Variants in EPHA2 observed in about 807,000 individuals in gnomAD.
The protein encoded by EPHA2 is ephrin type-A receptor 2.
In EPHA2, 54 loss-of-function variants were observed where a neutral mutation model predicts 104.9. The ratio of observed to expected loss-of-function variants is 0.51; its 90% confidence interval spans 0.41 to 0.65. The LOEUF is 0.65. EPHA2 is among the 30% of genes least tolerant of loss of function. The pLI, the probability that EPHA2 is intolerant of heterozygous loss-of-function variation, is 0.00. For synonymous variants in EPHA2, 560 were observed against 559.1 expected, an observed-to-expected ratio of 1.00 and a Z score of -0.02; for missense variants, 1,117 against 1,369.5, an observed-to-expected ratio of 0.82 and a Z score of 2.91.
chr1:16,135,164 C>T lies in EPHA2; in HGVS notation c.1454G>A (p.Arg485His), dbSNP rs765078166. 5.0e-6 allele frequency: 8 copies of T among 1,613,830 alleles called. No homozygotes were observed. In the African/African-American group the frequency reaches 6.7e-5, roughly 13 times the overall value. The change falls in exon 7 of 17, where the codon CGC (arginine) becomes CAC (histidine). Residue 485 changes from arginine to histidine, a missense_variant. By Grantham distance (29) the Arg-to-His change is conservative (BLOSUM62 0). Coordinates refer to ENST00000358432, the MANE Select transcript of EPHA2 (RefSeq NM_004431.5). The surrounding 1 kb of genome is among the most constrained non-coding windows in gnomAD (Gnocchi z 4.3). ...GGTCACGGAGAAACCCTCGGTGCGG[C>T]GCACATTGTAGCTGTTGGAGTCTCC... The part of the protein sequence containing the change: ...KKGDSNSYNV[R>H]RTEGFSVTLD...
chr1:16,125,278 C>T lies in EPHA2; in HGVS notation c.2868G>A (p.Lys956=), dbSNP rs757935059. ...GTCCCAGCAGGCTGTAGGCGATGCGCTTCTGGTGGCCGGGCAGCCGCACCC... is the reference window on the plus strand; with the variant it reads ...GTCCCAGCAGGCTGTAGGCGATGCGTTTCTGGTGGCCGGGCAGCCGCACCC... The part of the protein sequence containing the change: ...RIGVRLPGHQ[K]RIAYSLLGLK... Residue 956 remains lysine, a synonymous_variant, in exon 17 of 17, where the codon AAG becomes AAA. Coordinates refer to ENST00000358432, the MANE Select transcript of EPHA2 (RefSeq NM_004431.5). The surrounding 1 kb of genome is among the most constrained non-coding windows in gnomAD (Gnocchi z 4.9). 1 of 1,609,736 alleles carries T rather than the reference C, an allele frequency of 6.2e-7. No individual in the cohort carries two copies. The highest frequency in any genetic ancestry group is 1.3e-5 in the African/African-American group (1 of 74,600).
chr1:16,130,156 C>T lies in EPHA2; in HGVS notation c.2669+70G>A. 1 of 1,605,852 alleles carries T rather than the reference C, an allele frequency of 6.2e-7. No individual in the cohort carries two copies. Among genetic ancestry groups the T allele is most frequent in the Non-Finnish European group, 8.5e-7 (1 of 1,173,314 alleles). ...TACCAGCTTCACCTGGGTGGCCACTCTACCGAAGTGGTTCAAGAGTCTGCA... is the reference window on the plus strand; with the variant it reads ...TACCAGCTTCACCTGGGTGGCCACTTTACCGAAGTGGTTCAAGAGTCTGCA... On this transcript the variant is annotated intron_variant, in intron 15 of 16. Transcript: ENST00000358432. This position sits in a 1 kb window ranked among gnomAD's most constrained non-coding sequence, Gnocchi z 4.5.
At position 16,125,930 on chromosome 1, in the gene EPHA2, G is replaced by A. The variant is rs1038723936; in HGVS notation, c.2826-610C>T. 1.3e-5 allele frequency among the ~76,000 whole-genome samples: 2 copies of A among 152,186 alleles called. No individual in the cohort carries two copies. Among genetic ancestry groups the A allele is most frequent in the Non-Finnish European group, 2.9e-5 (2 of 68,036 alleles). On this transcript the variant is annotated intron_variant, in intron 16 of 16. Coordinates refer to ENST00000358432, the MANE Select transcript of EPHA2 (RefSeq NM_004431.5). This position sits in a 1 kb window ranked among gnomAD's most constrained non-coding sequence, Gnocchi z 4.9. ...GTTCCCACTGCTGATCATGAAGGAA[G>A]GACTTGGGAAATACTTGAAGGGTTA... is the stretch of plus-strand genomic sequence containing the variant.
chr1:16,144,956 C>A (rs2024899898), intron 3 of EPHA2, among the ~76,000 whole-genome samples: 1 of 152,224 alleles, frequency 6.6e-6, no homozygotes, highest in Non-Finnish European at 1.5e-5. Context: ...AATGCGGTGT[C>A]CCTATGAACT....
chr1:16,150,784 AG>A lies in EPHA2; in HGVS notation c.153+111del. 2.5e-6 allele frequency: 3 copies of A among 1,203,170 alleles called. No homozygotes were observed. The highest frequency in any genetic ancestry group is 3.7e-6 in the Non-Finnish European group (3 of 817,740). 74.5% of individuals were successfully genotyped at this position (1,203,170 alleles called of 1,614,324 possible). A position where few individuals can be genotyped will look rare whatever the true frequency, so the allele number is the denominator to read the frequency against. On this transcript the variant is annotated intron_variant, in intron 2 of 16. Transcript: ENST00000358432. This position sits in a 1 kb window ranked among gnomAD's most constrained non-coding sequence, Gnocchi z 4.8. ...GGACCCTGAGCCTGAGACCTGGCTG[AG>A]CTGCTGAATTGAAGCCAGGCCCCAC...
In EPHA2 at chr1:16,128,012, G is replaced by A. The variant is rs990661332; in HGVS notation, c.2825+1422C>T. Among the ~76,000 whole-genome samples the A allele has an allele frequency of 3.3e-5, 5 of 151,792 alleles. No homozygotes were observed. Among genetic ancestry groups the A allele is most frequent in the African/African-American group, 1.2e-4 (5 of 41,308 alleles). On this transcript the variant is annotated intron_variant, in intron 16 of 16. Coordinates refer to ENST00000358432, the MANE Select transcript of EPHA2 (RefSeq NM_004431.5). This position sits in a 1 kb window ranked among gnomAD's most constrained non-coding sequence, Gnocchi z 4.7. ...GTCCTTGGTGGGAGCCCCTGGAGGA[G>A]CAAAGGGTCTGGTGGATGTTCCCAG...
In EPHA2 at chr1:16,133,192, C is replaced by A; in HGVS notation, c.2041G>T (p.Val681Phe). 1 of 1,613,430 alleles carries A rather than the reference C, an allele frequency of 6.2e-7. No homozygotes were observed. Among genetic ancestry groups the A allele is most frequent in the African/African-American group, 1.3e-5 (1 of 74,958 alleles). ...CCCCAAGCCTCACATTTGGAGATGA[C>A]GCCCTCTAGGCGGATGATGTTGTGG... ...SHHNIIRLEG[V>F]ISKYKPMMII... The change falls in exon 11 of 17, where the codon GTC becomes TTC. Residue 681 changes from valine to phenylalanine, a missense_variant. By Grantham distance (50) the Val-to-Phe change is conservative. Coordinates refer to ENST00000358432, the MANE Select transcript of EPHA2 (RefSeq NM_004431.5).
At position 16,133,347 on chromosome 1, in the gene EPHA2, T is replaced by C. The variant is rs2024615464; in HGVS notation, c.1886A>G (p.Lys629Arg). ...IGAGEFGEVY[K>R]GMLKTSSGKK... The stretch of plus-strand genomic sequence containing the variant: ...CCCCGAGGATGTCTTCAGCATGCCC[T>C]TGTACACCTCCCCAAACTCTCCTGT... The change falls in exon 11 of 17, where the codon AAG becomes AGG. Residue 629 changes from lysine (K) to arginine (R), a missense_variant. By Grantham distance (26) the Lys-to-Arg change is conservative. Transcript: ENST00000358432. 6.2e-7 allele frequency: 1 copy of C among 1,613,834 alleles called. No individual in the cohort carries two copies. Among genetic ancestry groups the C allele is most frequent in the Non-Finnish European group, 8.5e-7 (1 of 1,179,952 alleles).
In EPHA2 at chr1:16,125,586, T is replaced by C. The variant is rs1408226664; in HGVS notation, c.2826-266A>G. On this transcript the variant is annotated intron_variant, in intron 16 of 16. Transcript: ENST00000358432. The surrounding 1 kb of genome is among the most constrained non-coding windows in gnomAD (Gnocchi z 4.9). ...CGACAGAAGCCTCAACTCTGTACGA[T>C]GCTTTAAAAAAATAAAAATAAATCA... Among the ~76,000 whole-genome samples, 3 of 152,110 alleles carry C rather than the reference T, an allele frequency of 2.0e-5. No homozygotes were observed. The highest frequency in any genetic ancestry group is 4.4e-5 in the Non-Finnish European group (3 of 68,020).
chr1:16,141,867 C>A (rs1361532863), intron 3 of EPHA2, among the ~76,000 whole-genome samples: 1 of 152,220 alleles, frequency 6.6e-6, no homozygotes, highest in Non-Finnish European at 1.5e-5. Context: ...AGGGCATGTG[C>A]CTGCCTGACG....
rs2024576371 is a variant in EPHA2 at position 16,131,888 on chromosome 1, C to G, written c.2326-18G>C. 1.2e-6 allele frequency: 2 copies of G among 1,612,344 alleles called. No homozygotes were observed. Among genetic ancestry groups the G allele is most frequent in the African/African-American group, 1.3e-5 (1 of 74,882 alleles). ...TTGCCGCCCTGCAGGGAACCCAGGC[C>G]CAGTCACCACTGTGCCCTCTGGCTG... On this transcript the variant is annotated intron_variant, in intron 13 of 16. Transcript: ENST00000358432. This position sits in a 1 kb window ranked among gnomAD's most constrained non-coding sequence, Gnocchi z 5.2.
At chr1:16,138,970 C>T (rs1208110598) in intron 3 of EPHA2, among the ~76,000 whole-genome samples, 3 of 152,266 alleles carry the variant, frequency 2.0e-5, no homozygotes, top group Non-Finnish European at 4.4e-5. Flanking sequence ...CAGGTGTTAC[C>T]TCCAGCCCAG....
Position 16,132,362 on chromosome 1 carries a change from C to T in EPHA2, c.2115+16G>A. 6.2e-7 allele frequency: 1 copy of T among 1,614,190 alleles called. No individual in the cohort carries two copies. Among genetic ancestry groups the T allele is most frequent in the Non-Finnish European group, 8.5e-7 (1 of 1,180,026 alleles). On this transcript the variant is annotated intron_variant, in intron 12 of 16. Coordinates refer to ENST00000358432, the MANE Select transcript of EPHA2 (RefSeq NM_004431.5). ...AATGGCCAGGCATCCCCGCCCCCTA[C>T]AACCCACATCCTTACCCGAAGGAAC...
chr1:16,148,361 CCAGAACCGT>C lies in EPHA2; in HGVS notation c.823+8_823+16del. 1.9e-6 allele frequency: 3 copies of C among 1,613,292 alleles called. No homozygotes were observed. In the African/African-American group the frequency reaches 4.0e-5, roughly 21 times the overall value. ...AATGCAGAACCCCCTTCCCTGCAAC[CCAGAACCGT>C]CACTCACCCTGGCAGGCATCCTCCA... is the stretch of plus-strand genomic sequence containing the variant. On this transcript the variant is annotated splice_region_variant and intron_variant, in intron 3 of 16. Transcript: ENST00000358432. The surrounding 1 kb of genome is among the most constrained non-coding windows in gnomAD (Gnocchi z 4.9).
At chr1:16,143,560 C>G (rs559630877) in intron 3 of EPHA2, among the ~76,000 whole-genome samples, 8 of 152,214 alleles carry the variant, frequency 5.3e-5, no homozygotes, top group Admixed American at 5.2e-4. Flanking sequence ...GTTCCTGATG[C>G]CCGCCCCTCA....
intron 3 of EPHA2, among the ~76,000 whole-genome samples, chr1:16,147,012 G>A (rs1391585881): frequency 6.6e-6 from 1 of 152,238 alleles, no homozygotes; most frequent in African/African-American, 2.4e-5. Flanking sequence ...AGCTGCCAGA[G>A]AGAGGGAATG....
intron 3 of EPHA2, among the ~76,000 whole-genome samples, chr1:16,138,985 T>C (rs928213895): frequency 6.6e-6 from 1 of 152,224 alleles, no homozygotes; most frequent in African/African-American, 2.4e-5. Flanking sequence ...GCCCAGGACC[T>C]GCCCTCCTTT....
Position 16,133,171 on chromosome 1 carries a change from A to G in EPHA2, c.2053+9T>C, listed in dbSNP as rs1199185476. 6.2e-7 allele frequency: 1 copy of G among 1,613,012 alleles called. No homozygotes were observed. The highest frequency in any genetic ancestry group is 1.3e-5 in the African/African-American group (1 of 74,946). On this transcript the variant is annotated intron_variant, in intron 11 of 16. Coordinates refer to ENST00000358432, the MANE Select transcript of EPHA2 (RefSeq NM_004431.5). ...TCTCCACCCAGTGTGGGCAGGCCCCAAGCCTCACATTTGGAGATGACGCCC... is the reference window on the plus strand; with the variant it reads ...TCTCCACCCAGTGTGGGCAGGCCCCGAGCCTCACATTTGGAGATGACGCCC...
chr1:16,133,142 C>T lies in EPHA2; in HGVS notation c.2053+38G>A, dbSNP rs74054923. 12,265 of 1,610,678 alleles carry T rather than the reference C, an allele frequency of 7.6e-3. 744 individuals are homozygous for T. In the African/African-American group the frequency reaches 0.14, roughly 18 times the overall value. On this transcript the variant is annotated intron_variant, in intron 11 of 16. Coordinates refer to ENST00000358432, the MANE Select transcript of EPHA2 (RefSeq NM_004431.5). ...CACAGACAGAGCCCCTGCTAAGTGG[C>T]CCCTCTCCACCCAGTGTGGGCAGGC... is the stretch of plus-strand genomic sequence containing the variant.
Sources: allele counts gnomAD v4.1 joint callset (sites outside exome capture counted in the v4.1 genomes callset), GRCh38; gene constraint gnomAD v4.1.1; non-coding constraint Gnocchi (gnomAD v3.1); transcripts MANE v1.5; gene names NCBI Gene and HGNC (gene_info 2026-07-23, HGNC 2026-07-21).